Variants in WWOX observed in about 807,000 individuals in gnomAD.
WWOX encodes WW domain-containing oxidoreductase.
WWOX carries 69 observed loss-of-function variants against 46.2 expected under a neutral mutation model. That is an observed-to-expected ratio of 1.49 (90% CI 1.23 to 1.82). WWOX has a LOEUF of 1.82. Among genes scored for constraint, WWOX ranks in the 40% most tolerant of loss-of-function variants. The probability of loss-of-function intolerance (pLI) is 0.00; values close to 1 mark genes in which losing one functional copy is unlikely to be tolerated. For missense variants in WWOX, 919 were observed against 542.6 expected (o/e 1.69, Z -6.89); for synonymous variants, 359 against 202.6 (o/e 1.77, Z -6.56).
intron 8 of WWOX, among the ~76,000 whole-genome samples, chr16:78,711,733 T>C (rs1318430530): frequency 6.6e-6 from 1 of 152,178 alleles, no homozygotes; most frequent in East Asian, 1.9e-4. Flanking sequence ...CCAATTCCCA[T>C]GTTAGTGCTT....
At chr16:78,290,318 A>T (rs2079841345) in intron 5 of WWOX, among the ~76,000 whole-genome samples, 3 of 113,086 alleles carry the variant, frequency 2.7e-5, no homozygotes, top group Admixed American at 2.8e-4. Context: ...ATTTGTAATT[A>T]AAGTTAAGAT....
intron 8 of WWOX, among the ~76,000 whole-genome samples, chr16:78,643,204 T>C (rs886486153): frequency 3.3e-5 from 5 of 152,190 alleles, no homozygotes; most frequent in African/African-American, 1.2e-4. Context: ...CCTCTTAATG[T>C]CTAAGAAGTC....
At chr16:78,483,050 G>A (rs1466436753) in intron 8 of WWOX, among the ~76,000 whole-genome samples, 1 of 152,112 alleles carries the variant, frequency 6.6e-6, no homozygotes, top group Non-Finnish European at 1.5e-5. Flanking sequence ...TAGACATGAA[G>A]GGCCTCTTCA....
At position 78,733,436 on chromosome 16, in the gene WWOX, C is replaced by A. The variant is rs558350612; in HGVS notation, c.1056+300684C>A. Among the ~76,000 whole-genome samples, 27 of 152,036 alleles carry A rather than the reference C, an allele frequency of 1.8e-4. 1 individual carries two copies. In the South Asian group the frequency reaches 5.2e-3, roughly 29 times the overall value. On this transcript the variant is annotated intron_variant, in intron 8 of 8. Coordinates refer to ENST00000566780, the MANE Select transcript of WWOX (RefSeq NM_016373.4). ...TACCACTGCACTCCAGCCTAAGCAA[C>A]AGAGTGAGACCTTGTCTCAAAAAAT... is the stretch of plus-strand genomic sequence containing the variant.
chr16:78,847,399 A>G (rs1030542076), intron 8 of WWOX, among the ~76,000 whole-genome samples: 6 of 152,204 alleles, frequency 3.9e-5, no homozygotes, highest in African/African-American at 1.4e-4. Context: ...TTTATAACAT[A>G]TCAGTATCTA....
chr16:78,336,498 T>G (rs1203119102), intron 5 of WWOX, among the ~76,000 whole-genome samples: 2 of 112,310 alleles, frequency 1.8e-5, no homozygotes, highest in Non-Finnish European at 3.3e-5. Flanking sequence ...AGAGAGAGAC[T>G]ATGTCTCAAA....
At chr16:78,288,091 AT>A (rs1044240667) in intron 5 of WWOX, among the ~76,000 whole-genome samples, 2 of 152,114 alleles carry the variant, frequency 1.3e-5, no homozygotes, top group East Asian at 1.9e-4. Context: ...TTAAGTAATG[AT>A]TTTTTTAATG....
intron 5 of WWOX, among the ~76,000 whole-genome samples, chr16:78,332,766 T>C (rs999891170): frequency 6.6e-6 from 1 of 152,132 alleles, no homozygotes; most frequent in Non-Finnish European, 1.5e-5. Flanking sequence ...CTGTTAAGTG[T>C]GCATTCAGAA....
At chr16:79,122,154 C>G (rs1383120126) in intron 8 of WWOX, among the ~76,000 whole-genome samples, 1 of 152,140 alleles carries the variant, frequency 6.6e-6, no homozygotes, top group Non-Finnish European at 1.5e-5. Flanking sequence ...ACAGCTGTTT[C>G]TCAAATCATC....
At chr16:78,450,437 CAGTCAG>C (rs1567580590) in intron 8 of WWOX, among the ~76,000 whole-genome samples, 1 of 150,550 alleles carries the variant, frequency 6.6e-6, no homozygotes, top group East Asian at 2.4e-4. Context: ...GAATAATAAA[CAGTCAG>C]AGTGTCCAAG....
chr16:78,534,240 A>G (rs2043701375), intron 8 of WWOX: 1 of 152,198 alleles, frequency 6.6e-6, no homozygotes, highest in Admixed American at 6.5e-5. Context: ...CAGGAAAACA[A>G]TATCTTCCTG....
chr16:78,386,837 CT>C (rs1483513257), intron 5 of WWOX, 22 bp from the exon 6 acceptor site: 2 of 1,601,310 alleles, frequency 1.2e-6, no homozygotes, highest in East Asian at 4.5e-5. Context: ...TTTATCATTT[CT>C]TTTTATTTTC....
At chr16:78,423,623 C>T (rs1323769417) in intron 6 of WWOX, among the ~76,000 whole-genome samples, 2 of 152,016 alleles carry the variant, frequency 1.3e-5, no homozygotes, top group Admixed American at 6.6e-5. Flanking sequence ...AGACCAGGAA[C>T]TCAAGACCAC....
intron 8 of WWOX, among the ~76,000 whole-genome samples, chr16:78,977,141 G>C (rs1336624875): frequency 6.6e-6 from 1 of 152,018 alleles, no homozygotes; most frequent in Non-Finnish European, 1.5e-5. Context: ...TCCCATATGT[G>C]GTATCTCTGG....
At chr16:79,018,665 C>T (rs1302607375) in intron 8 of WWOX, among the ~76,000 whole-genome samples, 2 of 152,058 alleles carry the variant, frequency 1.3e-5, no homozygotes, top group Admixed American at 1.3e-4. Context: ...TCATGCTCAC[C>T]CCAATCAATG....
At chr16:78,819,812 C>G (rs772130423) in intron 8 of WWOX, among the ~76,000 whole-genome samples, 2 of 152,226 alleles carry the variant, frequency 1.3e-5, no homozygotes, top group Non-Finnish European at 2.9e-5. Context: ...GGCAATATCT[C>G]TGATGGTTAA....
chr16:78,734,599 G>T (rs916309758), intron 8 of WWOX, among the ~76,000 whole-genome samples: 2 of 152,010 alleles, frequency 1.3e-5, no homozygotes, highest in Middle Eastern at 3.2e-3. Context: ...TTAGTTTCCT[G>T]TTTCAACTTG....
chr16:78,960,785 C>G (rs1321153852), intron 8 of WWOX, among the ~76,000 whole-genome samples: 1 of 152,062 alleles, frequency 6.6e-6, no homozygotes, highest in Non-Finnish European at 1.5e-5. Context: ...ATTTAGTCAC[C>G]TTATTTTTTT....
chr16:78,844,629 C>T (rs780195493), intron 8 of WWOX, among the ~76,000 whole-genome samples: 19 of 152,166 alleles, frequency 1.2e-4, no homozygotes, highest in Non-Finnish European at 2.8e-4. Flanking sequence ...ATAAATCATA[C>T]AGTCAAATAA....
Sources: gnomAD v4.1 joint callset for allele counts (sites outside exome capture counted in the v4.1 genomes callset) on GRCh38, gnomAD v4.1.1 for gene constraint, MANE v1.5 for transcripts, NCBI Gene and HGNC (gene_info 2026-07-23, HGNC 2026-07-21) for gene names.